Variants in CPXM2 observed in about 807,000 individuals in gnomAD.
CPXM2 encodes the protein inactive carboxypeptidase-like protein X2.
CPXM2 carries 66 observed loss-of-function variants against 86.1 expected under a neutral mutation model. The ratio of observed to expected loss-of-function variants is 0.77; its 90% CI spans 0.63 to 0.94. The LOEUF is 0.94. Among genes scored for constraint, CPXM2 ranks in the 40% least tolerant of loss-of-function variants. CPXM2 has a pLI of 0.00. For missense variants in CPXM2, 948 were observed against 1,026.3 expected, an observed-to-expected ratio of 0.92 and a Z score of 1.04; for synonymous variants, 388 against 400.2, an observed-to-expected ratio of 0.97 and a Z score of 0.36.
chr10:123,783,876 T>G lies in CPXM2; in HGVS notation c.890-3621A>C, dbSNP rs114923179. On this transcript the variant is annotated intron_variant, in intron 6 of 13. Coordinates refer to ENST00000241305, the MANE Select transcript of CPXM2 (RefSeq NM_198148.3). Reference sequence around the variant, plus strand: ...CTCCTGTATATGGAAAACTAGCTGATTCCTCTGCAACACCTTAGTTATGTG... The same window carrying G: ...CTCCTGTATATGGAAAACTAGCTGAGTCCTCTGCAACACCTTAGTTATGTG... Among the ~76,000 whole-genome samples the G allele has an allele frequency of 4.6e-3, 701 of 152,306 alleles. 7 individuals carry two copies. Among genetic ancestry groups the G allele is most frequent in the African/African-American group, 0.016 (664 of 41,576 alleles).
chr10:123,850,628 T>C (rs968161163), intron 3 of CPXM2, among the ~76,000 whole-genome samples: 2 of 152,210 alleles, frequency 1.3e-5, no homozygotes, highest in African/African-American at 4.8e-5. Flanking sequence ...TACTTAATAA[T>C]GGCCCCACAA....
intron 2 of CPXM2, among the ~76,000 whole-genome samples, chr10:123,908,472 A>AC (rs1439297400): frequency 1.3e-5 from 2 of 152,106 alleles, no homozygotes; most frequent in Admixed American, 1.3e-4. Flanking sequence ...CCAGAGCCAG[A>AC]CCCCGGGCAG....
intron 2 of CPXM2, among the ~76,000 whole-genome samples, chr10:123,927,335 G>A (rs1199827575): frequency 6.6e-6 from 1 of 152,220 alleles, no homozygotes; most frequent in Non-Finnish European, 1.5e-5. Context: ...AAGTGGGCAT[G>A]ATAATAGTAC....
chr10:123,883,582 C>T (rs796952258), intron 1 of CPXM2, among the ~76,000 whole-genome samples: 2 of 152,352 alleles, frequency 1.3e-5, no homozygotes, highest in African/African-American at 4.8e-5. Flanking sequence ...AAAAGCTATT[C>T]CAGTTGCTGG....
intron 7 of CPXM2, among the ~76,000 whole-genome samples, chr10:123,773,191 A>C (rs17616489): frequency 0.049 from 7,253 of 148,192 alleles, 179 homozygotes; most frequent in Middle Eastern, 0.075. Flanking sequence ...TGTGGTTTTT[A>C]TCTCTCTCAT....
At position 123,776,127 on chromosome 10, in the gene CPXM2, T is replaced by C. The variant is rs139246924; in HGVS notation, c.978+4040A>G. Among the ~76,000 whole-genome samples, 256 of 152,294 alleles carry C rather than the reference T, an allele frequency of 1.7e-3. 1 individual carries two copies. Among genetic ancestry groups the C allele is most frequent in the African/African-American group, 5.8e-3 (241 of 41,552 alleles). On this transcript the variant is annotated intron_variant, in intron 7 of 13. Coordinates refer to ENST00000241305, the MANE Select transcript of CPXM2 (RefSeq NM_198148.3). ...CTGAAAACTGTGGCTAAAAAAGTCT[T>C]AGGTATTACAATGCTTTGTGGTCCC...
rs561850739 is a variant in CPXM2 at position 123,886,015 on chromosome 10, T to G, written c.304+5341A>C. Among the ~76,000 whole-genome samples, 4 of 152,324 alleles carry G rather than the reference T, an allele frequency of 2.6e-5. No homozygotes were observed. The East Asian group carries it at 7.7e-4, about 29-fold the overall frequency. On this transcript the variant is annotated intron_variant, in intron 1 of 13. Transcript: ENST00000241305. Reference sequence around the variant, plus strand: ...ACCTTGGGCACAGGCAAGAGGAAATTTGCCAGCATTAATAGTTGACTTTGG... The same window carrying G: ...ACCTTGGGCACAGGCAAGAGGAAATGTGCCAGCATTAATAGTTGACTTTGG...
intron 13 of CPXM2, among the ~76,000 whole-genome samples, chr10:123,753,868 G>A (rs966005225): frequency 2.6e-5 from 4 of 152,126 alleles, no homozygotes; most frequent in East Asian, 1.9e-4. Context: ...GGAATCACGC[G>A]TACTAACCCT....
At position 123,882,990 on chromosome 10, in the gene CPXM2, C is replaced by T. The variant is rs35099763; in HGVS notation, c.305-2681G>A. Among the ~76,000 whole-genome samples the T allele has an allele frequency of 1.6e-4, 24 of 152,142 alleles. No homozygotes were observed. In the East Asian group the frequency reaches 2.3e-3, roughly 15 times the overall value. ...TACCATGGCCTGGGCAGCCCCCACACGACAGCCTGGACTGCCCGCAATACC... is the reference window on the plus strand; with the variant it reads ...TACCATGGCCTGGGCAGCCCCCACATGACAGCCTGGACTGCCCGCAATACC... On this transcript the variant is annotated intron_variant, in intron 1 of 13. Transcript: ENST00000241305.
upstream of CPXM2, chr10:123,891,984 C>T (rs1945285202): frequency 1.3e-5 from 2 of 152,178 alleles, no homozygotes; most frequent in Admixed American, 6.5e-5. This position sits in a 1 kb window ranked among gnomAD's most constrained non-coding sequence, Gnocchi z 5.6. Flanking sequence ...AGAAAGCCCC[C>T]TTCCCCTCCC....
At chr10:123,784,842 G>A (rs1235006147) in intron 6 of CPXM2, among the ~76,000 whole-genome samples, 4 of 152,156 alleles carry the variant, frequency 2.6e-5, no homozygotes, top group Non-Finnish European at 5.9e-5. Context: ...GTACGATTGA[G>A]GCAGAAGAAT....
At chr10:123,789,570 T>C (rs1161033926) in intron 6 of CPXM2, among the ~76,000 whole-genome samples, 1 of 152,152 alleles carries the variant, frequency 6.6e-6, no homozygotes, top group Non-Finnish European at 1.5e-5. Flanking sequence ...TATTTAAACT[T>C]GGTAATGTTA....
intron 3 of CPXM2, among the ~76,000 whole-genome samples, chr10:123,850,347 G>A (rs1052361903): frequency 6.6e-6 from 1 of 152,156 alleles, no homozygotes; most frequent in Non-Finnish European, 1.5e-5. Flanking sequence ...CGTTATCTGT[G>A]GTTTCTCTTT....
chr10:123,872,420 G>A (rs1944909946), intron 2 of CPXM2, among the ~76,000 whole-genome samples: 1 of 152,082 alleles, frequency 6.6e-6, no homozygotes, highest in Non-Finnish European at 1.5e-5. Flanking sequence ...AAAGAAGTCA[G>A]ACACAAAAAA....
At chr10:123,809,167 C>T (rs1275529950) in intron 4 of CPXM2, among the ~76,000 whole-genome samples, 1 of 152,134 alleles carries the variant, frequency 6.6e-6, no homozygotes, top group East Asian at 1.9e-4. Flanking sequence ...CATGATATGG[C>T]AGTGCTTATA....
intron 2 of CPXM2, among the ~76,000 whole-genome samples, chr10:123,866,893 C>CT (rs970231560): frequency 6.6e-6 from 1 of 152,232 alleles, no homozygotes; most frequent in Non-Finnish European, 1.5e-5. Context: ...ATCTTCCATT[C>CT]TTTATTTTTC....
At chr10:123,802,159 G>C (rs56156304) in intron 4 of CPXM2, among the ~76,000 whole-genome samples, 14,004 of 152,180 alleles carry the variant, frequency 0.092, 724 homozygotes, top group African/African-American at 0.15. Flanking sequence ...CCATTTGATA[G>C]GAGTGGAACT....
chr10:123,928,271 A>G (rs1218284607), intron 2 of CPXM2, among the ~76,000 whole-genome samples: 1 of 152,164 alleles, frequency 6.6e-6, no homozygotes, highest in Non-Finnish European at 1.5e-5. Flanking sequence ...ACCTCTCCAA[A>G]AACTCTTCAA....
chr10:123,905,054 G>A (rs1361704659), intron 2 of CPXM2, among the ~76,000 whole-genome samples: 2 of 64,160 alleles, frequency 3.1e-5, no homozygotes. Context: ...GACAGAGCAG[G>A]ACTTTCCACC....
Sources: allele counts gnomAD v4.1 joint callset (sites outside exome capture counted in the v4.1 genomes callset), GRCh38; gene constraint gnomAD v4.1.1; non-coding constraint Gnocchi (gnomAD v3.1); transcripts MANE v1.5; gene names NCBI Gene and HGNC (gene_info 2026-07-23, HGNC 2026-07-21).